HYAL1: variants seen among roughly 807,000 people sequenced by gnomAD.
HYAL1 encodes hyaluronidase 1.
In HYAL1, 21 loss-of-function variants were observed where a neutral mutation model predicts 28.8. The ratio of observed to expected loss-of-function variants is 0.73; its 90% CI spans 0.52 to 1.05. HYAL1 has a LOEUF of 1.05. HYAL1 is among the 50% of genes least tolerant of loss of function. The probability of loss-of-function intolerance (pLI) is 0.00; values close to 1 mark genes in which losing one functional copy is unlikely to be tolerated. For synonymous variants in HYAL1, 200 were observed against 230.1 expected, an observed-to-expected ratio of 0.87 and a Z score of 1.18; for missense variants, 491 against 579.2, an observed-to-expected ratio of 0.85 and a Z score of 1.56.
Position 50,300,603 on chromosome 3 carries a change from C to A in HYAL1, c.1188G>T (p.Gly396=), listed in dbSNP as rs781878519. The A allele has an allele frequency of 2.5e-5, 40 of 1,614,206 alleles. 2 individuals carry two copies. In the South Asian group the frequency reaches 4.4e-4, roughly 18 times the overall value. The change falls in exon 4 of 4, where the codon GGG becomes GGT. Residue 396 remains glycine (G), a synonymous_variant. Coordinates refer to ENST00000395144, the MANE Select transcript of HYAL1 (RefSeq NM_033159.4). ...AGAGGGCACCCCGCAGGCTCAGGGGCCCACCACCAGGCGTGAGCTGGATGG... is the reference window on the plus strand; with the variant it reads ...AGAGGGCACCCCGCAGGCTCAGGGGACCACCACCAGGCGTGAGCTGGATGG... ...SFSIQLTPGG[G]PLSLRGALSL...
upstream of HYAL1, among the ~76,000 whole-genome samples, chr3:50,307,659 T>C (rs149793859): frequency 0.076 from 7,347 of 96,976 alleles, 1,163 homozygotes; most frequent in East Asian, 0.63. Context: ...CCAGCCTGGG[T>C]GACAGAGCAA....
rs1553712358 is a variant in HYAL1 at position 50,300,460 on chromosome 3, T to C, written c.*23A>G. 1.9e-6 allele frequency: 3 copies of C among 1,613,212 alleles called. No individual in the cohort carries two copies. Among genetic ancestry groups the C allele is most frequent in the African/African-American group, 1.3e-5 (1 of 74,908 alleles). On this transcript the variant is annotated 3_prime_UTR_variant, in exon 4 of 4. Coordinates refer to ENST00000395144, the MANE Select transcript of HYAL1 (RefSeq NM_033159.4). ...CCCAGAGTGCATTAGGTTCTCAATA[T>C]GTGCAACTCAGTGTGTGGCCAATCA...
chr3:50,309,461 C>CA (rs59958240), intron 2 of HYAL1, among the ~76,000 whole-genome samples: 1,512 of 60,448 alleles, frequency 0.025, 37 homozygotes, highest in African/African-American at 0.052. Context: ...CAGACTCCAC[C>CA]AAAAAAAAAA....
chr3:50,304,243 C>G (rs1389613397), upstream of HYAL1: 6 of 124,658 alleles, frequency 4.8e-5, no homozygotes, highest in Non-Finnish European at 8.1e-5. Context: ...CTACTATACT[C>G]CAGCCTGGGT....
chr3:50,310,033 T>C (rs1702415182), intron 1 of HYAL1, among the ~76,000 whole-genome samples: 1 of 151,424 alleles, frequency 6.6e-6, no homozygotes, highest in Admixed American at 6.6e-5. Context: ...TGATTTGTCT[T>C]TAGTAAAATG....
chr3:50,310,643 C>T (rs781863235), intron 1 of HYAL1, among the ~76,000 whole-genome samples: 6 of 141,250 alleles, frequency 4.2e-5, no homozygotes, highest in Non-Finnish European at 9.2e-5. Context: ...GGGTGTTTCT[C>T]GCAGAGGGGG....
rs1702187347 is a variant in HYAL1, at chr3:50,302,137, C to T, written c.820G>A (p.Val274Met). Residue 274 changes from valine (V) to methionine (M), a missense_variant, in exon 2 of 4, where the codon GTG becomes ATG. Physicochemically the swap from Val to Met is conservative, Grantham distance 21. Coordinates refer to ENST00000395144, the MANE Select transcript of HYAL1 (RefSeq NM_033159.4). The surrounding 1 kb of genome is among the most constrained non-coding windows in gnomAD (Gnocchi z 5.0). Reference protein sequence around the residue: ...HRVAEAFRVAVAAGDPNLPVL... With the variant: ...HRVAEAFRVAMAAGDPNLPVL... Reference sequence around the variant, plus strand: ...GGCAGATTGGGGTCACCAGCAGCCACAGCCACACGGAATGCCTCGGCCACA... The same window carrying T: ...GGCAGATTGGGGTCACCAGCAGCCATAGCCACACGGAATGCCTCGGCCACA... 6.2e-7 allele frequency: 1 copy of T among 1,614,202 alleles called. No homozygotes were observed. Among genetic ancestry groups the T allele is most frequent in the South Asian group, 1.1e-5 (1 of 91,082 alleles).
Position 50,302,537 on chromosome 3 carries a change from G to A in HYAL1, c.420C>T (p.Asn140=), listed in dbSNP as rs782291492. ...WEAWRPRWAF[N]WDTKDIYRQR... ...GCCGGTAAATGTCCTTGGTGTCCCAGTTGAAGGCCCAGCGTGGGCGCCATG... is the reference window on the plus strand; with the variant it reads ...GCCGGTAAATGTCCTTGGTGTCCCAATTGAAGGCCCAGCGTGGGCGCCATG... Residue 140 remains asparagine (N), a synonymous_variant, in exon 2 of 4, where the codon AAC becomes AAT. Transcript: ENST00000395144. The surrounding 1 kb of genome is among the most constrained non-coding windows in gnomAD (Gnocchi z 5.0). The A allele has an allele frequency of 2.5e-6, 4 of 1,614,088 alleles. No individual in the cohort carries two copies. Among genetic ancestry groups the A allele is most frequent in the Non-Finnish European group, 2.5e-6 (3 of 1,180,038 alleles).
chr3:50,307,446 C>A (rs1232021878), upstream of HYAL1, among the ~76,000 whole-genome samples: 20 of 150,476 alleles, frequency 1.3e-4, 1 homozygote, highest in Admixed American at 1.2e-3. Flanking sequence ...TTTGGGAGGC[C>A]GAGGCGGGCG....
Position 50,300,614 on chromosome 3 carries a change from G to C in HYAL1, c.1177C>G (p.Pro393Ala), listed in dbSNP as rs145487411. 1.2e-5 allele frequency: 19 copies of C among 1,614,072 alleles called. No homozygotes were observed. The African/African-American group carries it at 1.9e-4, about 16-fold the overall frequency. The change falls in exon 4 of 4, where the codon CCT (proline) becomes GCT (alanine). Residue 393 changes from proline (P) to alanine (A), a missense_variant. Transcript: ENST00000395144. ...NPASFSIQLT[P>A]GGGPLSLRGA... ...CGCAGGCTCAGGGGCCCACCACCAG[G>C]CGTGAGCTGGATGGAGAAACTGGCA...
At chr3:50,301,121 A>C in intron 2 of HYAL1, 44 bp from the exon 3 acceptor site, 3 of 1,278,796 alleles carry the variant, frequency 2.3e-6, no homozygotes, top group Non-Finnish European at 3.4e-6. Context: ...CCTTCCCACC[A>C]TGTGGCAGAC....
chr3:50,303,858 C>T (rs1223809301), upstream of HYAL1: 2 of 152,282 alleles, frequency 1.3e-5, no homozygotes, highest in Admixed American at 6.5e-5. Context: ...AGACCGGGTT[C>T]TTTCGTGTCT....
At chr3:50,304,803 C>G (rs1702303424), upstream of HYAL1, among the ~76,000 whole-genome samples, 1 of 152,078 alleles carries the variant, frequency 6.6e-6, no homozygotes, top group Non-Finnish European at 1.5e-5. Context: ...CCATCTGAGC[C>G]TCTGCACAAA....
chr3:50,309,031 CA>C (rs1553714410), intron 2 of HYAL1, among the ~76,000 whole-genome samples: 1 of 151,268 alleles, frequency 6.6e-6, no homozygotes, highest in East Asian at 1.9e-4. Flanking sequence ...GCCTGGCCAA[CA>C]GCTTTTAACA....
chr3:50,307,088 C>T (rs78073598), upstream of HYAL1, among the ~76,000 whole-genome samples: 4,939 of 145,816 alleles, frequency 0.034, 608 homozygotes, highest in East Asian at 0.26. Context: ...AAAAATAAGC[C>T]GGGTGCAGTG....
chr3:50,304,296 A>AAAAATAT (rs1553713686), upstream of HYAL1, among the ~76,000 whole-genome samples: 3 of 30,478 alleles, frequency 9.8e-5, no homozygotes, highest in Non-Finnish European at 1.8e-4. Context: ...AAAAAAAAAA[A>AAAAATAT]ATATATATAT....
upstream of HYAL1, among the ~76,000 whole-genome samples, chr3:50,306,219 CTTTTTTTTTT>C (rs1173166946): frequency 1.2e-5 from 1 of 84,456 alleles, no homozygotes; most frequent in Admixed American, 1.4e-4. Flanking sequence ...CTGTACAACT[CTTTTTTTTTT>C]TTTTTTTTTT....
rs1041648316 is a variant in HYAL1 at position 50,300,656 on chromosome 3, G to A, written c.1135C>T (p.Leu379Phe). The A allele has an allele frequency of 3.1e-6, 5 of 1,613,902 alleles. No individual in the cohort carries two copies. Among genetic ancestry groups the A allele is most frequent in the Non-Finnish European group, 3.4e-6 (4 of 1,179,940 alleles). ...CVRRTSHPKA[L>F]LLLNPASFSI... ...AAACTGGCAGGGTTAAGGAGGAGGA[G>A]GGCTTTGGGGTGGCTGGTGCGGCGG... The change falls in exon 4 of 4, where the codon CTC (leucine) becomes TTC (phenylalanine). Residue 379 changes from leucine (L) to phenylalanine (F), a missense_variant. Transcript: ENST00000395144.
At chr3:50,310,526 A>G (rs1385954894) in intron 1 of HYAL1, among the ~76,000 whole-genome samples, 3 of 151,018 alleles carry the variant, frequency 2.0e-5, no homozygotes, top group African/African-American at 4.9e-5. Flanking sequence ...TCGGCCTCCC[A>G]AAGTGCTGGG....
Sources: allele counts gnomAD v4.1 joint callset (sites outside exome capture counted in the v4.1 genomes callset), GRCh38; gene constraint gnomAD v4.1.1; non-coding constraint Gnocchi (gnomAD v3.1); transcripts MANE v1.5; gene names NCBI Gene and HGNC (gene_info 2026-07-23, HGNC 2026-07-21).